The following SREK1IP1 variants were observed in gnomAD, a reference collection of about 807,000 sequenced individuals.
SREK1IP1 encodes SREK1 interacting protein 1, also known as protein SREK1IP1.
A neutral mutation model predicts 22.8 loss-of-function variants in SREK1IP1; 12 were observed. The ratio of observed to expected loss-of-function variants is 0.53; its 90% CI spans 0.34 to 0.85. SREK1IP1 has a LOEUF of 0.85. SREK1IP1 is among the 40% of genes least tolerant of loss of function. The pLI is 0.02. For missense variants in SREK1IP1, 147 were observed against 171.8 expected (o/e 0.86, Z 0.81); for synonymous variants, 53 against 52.7 (o/e 1.01, Z -0.02).
Position 64,768,512 on chromosome 5 carries a change from T to C in SREK1IP1, c.6A>G (p.Ala2=). ...CCTGTAATTGCTCCTTACCTGGGAC[T>C]GCCATGACGGTGGTAAGAGGGGTAA... The part of the protein sequence containing the change: M[A]VPGCNKDSVR... The change falls in exon 1 of 5, where the codon GCA becomes GCG. Residue 2 remains alanine, a synonymous_variant. Coordinates refer to ENST00000513458, the MANE Select transcript of SREK1IP1 (RefSeq NM_173829.4). 6.2e-7 allele frequency: 1 copy of C among 1,614,192 alleles called. No homozygotes were observed. Among genetic ancestry groups the C allele is most frequent in the Non-Finnish European group, 8.5e-7 (1 of 1,180,034 alleles).
chr5:64,755,567 G>A (rs547269471), intron 1 of SREK1IP1, among the ~76,000 whole-genome samples: 30 of 152,152 alleles, frequency 2.0e-4, no homozygotes, highest in African/African-American at 6.3e-4. Context: ...GGGAGAGGAG[G>A]GAGGACAAGG....
In SREK1IP1 at chr5:64,748,922, A is replaced by G. The variant is rs115559984; in HGVS notation, c.61+5393T>C. On this transcript the variant is annotated intron_variant, in intron 2 of 4. Transcript: ENST00000513458. ...TCAGAGTTATTTTAAGAATAAAATAATATCTTTCATGCAGTTAGTACAGAG... is the reference window on the plus strand; with the variant it reads ...TCAGAGTTATTTTAAGAATAAAATAGTATCTTTCATGCAGTTAGTACAGAG... 6.4e-3 allele frequency among the ~76,000 whole-genome samples: 976 copies of G among 152,180 alleles called. 10 individuals are homozygous for G. The highest frequency in any genetic ancestry group is 0.023 in the African/African-American group (950 of 41,510).
rs745825034 is a variant in SREK1IP1 at position 64,721,011 on chromosome 5, C to T, written c.*3373G>A. On this transcript the variant is annotated 3_prime_UTR_variant, in exon 5 of 5. Coordinates refer to ENST00000513458, the MANE Select transcript of SREK1IP1 (RefSeq NM_173829.4). ...CAAACACATAACACAGCTTGTTCTA[C>T]CTCTGGTGTTTGTTCACAGTACCCA... The T allele has an allele frequency of 6.6e-6, 1 of 152,196 alleles. No individual in the cohort carries two copies. The highest frequency in any genetic ancestry group is 6.5e-5 in the Admixed American group (1 of 15,280). 9.4% of individuals were successfully genotyped at this position (152,196 alleles called of 1,614,324 possible).
rs1246707327 is a variant in SREK1IP1, at chr5:64,720,277, A to G, written c.*4107T>C. ...ATAACTCTGGGGATGGATCTAATAAAGAATACAGTAGCTTTATGTGTTTTT... is the reference window on the plus strand; with the variant it reads ...ATAACTCTGGGGATGGATCTAATAAGGAATACAGTAGCTTTATGTGTTTTT... On this transcript the variant is annotated 3_prime_UTR_variant, in exon 5 of 5. Coordinates refer to ENST00000513458, the MANE Select transcript of SREK1IP1 (RefSeq NM_173829.4). 1 of 152,204 alleles carries G rather than the reference A, an allele frequency of 6.6e-6. No homozygotes were observed. 9.4% of individuals were successfully genotyped at this position (152,204 alleles called of 1,614,324 possible).
chr5:64,720,778 G>C lies in SREK1IP1; in HGVS notation c.*3606C>G, dbSNP rs549120655. 1 of 152,356 alleles carries C rather than the reference G, an allele frequency of 6.6e-6. No homozygotes were observed. The highest frequency in any genetic ancestry group is 2.4e-5 in the African/African-American group (1 of 41,450). The allele number at this position is 152,356 out of a possible 1,614,324, so 9.4% of individuals were successfully genotyped here. On this transcript the variant is annotated 3_prime_UTR_variant, in exon 5 of 5. Transcript: ENST00000513458. ...CCGCCTCAGCCTCCCAAAGTGCTGGGATTACAGGCGTGAGCCACTGTGCCC... is the reference window on the plus strand; with the variant it reads ...CCGCCTCAGCCTCCCAAAGTGCTGGCATTACAGGCGTGAGCCACTGTGCCC...
chr5:64,749,167 C>A (rs1455350546), intron 2 of SREK1IP1, among the ~76,000 whole-genome samples: 1 of 150,844 alleles, frequency 6.6e-6, no homozygotes, highest in African/African-American at 2.4e-5. Flanking sequence ...TCAATCTATA[C>A]ACACACACAA....
At chr5:64,759,980 G>T (rs1742917892) in intron 1 of SREK1IP1, among the ~76,000 whole-genome samples, 1 of 152,134 alleles carries the variant, frequency 6.6e-6, no homozygotes, top group African/African-American at 2.4e-5. Flanking sequence ...TCTCACATTT[G>T]GGAATTAGTT....
Position 64,722,711 on chromosome 5 carries a change from T to A in SREK1IP1, c.*1673A>T, listed in dbSNP as rs1253784592. 1 of 152,212 alleles carries A rather than the reference T, an allele frequency of 6.6e-6. No individual in the cohort carries two copies. Among genetic ancestry groups the A allele is most frequent in the Non-Finnish European group, 1.5e-5 (1 of 68,038 alleles). The allele number at this position is 152,212 out of a possible 1,614,324, so 9.4% of individuals were successfully genotyped here. On this transcript the variant is annotated 3_prime_UTR_variant, in exon 5 of 5. Transcript: ENST00000513458. The stretch of plus-strand genomic sequence containing the variant: ...GACCTATTTAAACAAAAGCATTTCC[T>A]TTTGAGAGGCCCAAATGACTAAATT...
At chr5:64,761,089 T>C (rs897202462) in intron 1 of SREK1IP1, among the ~76,000 whole-genome samples, 4 of 152,216 alleles carry the variant, frequency 2.6e-5, no homozygotes, top group Non-Finnish European at 4.4e-5. Flanking sequence ...TTGCAGACTT[T>C]CAATAAAATT....
At chr5:64,730,906 G>A (rs1015554757) in intron 3 of SREK1IP1, among the ~76,000 whole-genome samples, 5 of 152,052 alleles carry the variant, frequency 3.3e-5, no homozygotes, top group African/African-American at 9.7e-5. Flanking sequence ...AAAGAAAGGA[G>A]TAAGGCAGTT....
At chr5:64,754,597 G>A (rs966391973) in intron 1 of SREK1IP1, 1 of 427,980 alleles carries the variant, frequency 2.3e-6, no homozygotes. Flanking sequence ...CCAAGCAGCT[G>A]AGACTACAGG....
chr5:64,724,329 CAAACACGTTTTAA>C lies in SREK1IP1; in HGVS notation c.*42_*54del. On this transcript the variant is annotated 3_prime_UTR_variant, in exon 5 of 5. Coordinates refer to ENST00000513458, the MANE Select transcript of SREK1IP1 (RefSeq NM_173829.4). ...ATATATAGCAAATTCCAAGGAAGGG[CAAACACGTTTTAA>C]AAACAAATTTTTAAATTTAACGGCT... 1 of 1,437,256 alleles carries C rather than the reference CAAACACGTTTTAA, an allele frequency of 7.0e-7. No homozygotes were observed. Among genetic ancestry groups the C allele is most frequent in the Non-Finnish European group, 9.3e-7 (1 of 1,073,766 alleles). 89.0% of individuals were successfully genotyped at this position (1,437,256 alleles called of 1,614,324 possible).
intron 3 of SREK1IP1, among the ~76,000 whole-genome samples, chr5:64,733,547 C>T (rs7713930): frequency 0.067 from 10,142 of 152,120 alleles, 1,105 homozygotes; most frequent in African/African-American, 0.23. Context: ...TAGTCACTCA[C>T]ACGCTTCTCG....
intron 2 of SREK1IP1, among the ~76,000 whole-genome samples, chr5:64,744,501 C>T (rs946758302): frequency 1.3e-5 from 2 of 152,092 alleles, no homozygotes; most frequent in Non-Finnish European, 2.9e-5. Flanking sequence ...ACGGATTCGC[C>T]ACCGGTAACT....
chr5:64,768,432 G>T lies in SREK1IP1; in HGVS notation c.13+73C>A. Reference sequence around the variant, plus strand: ...TCCCCATGGGCGCTGCTCCGTACACGCCGCACCCTACCCTACCCTCCCTTG... The same window carrying T: ...TCCCCATGGGCGCTGCTCCGTACACTCCGCACCCTACCCTACCCTCCCTTG... On this transcript the variant is annotated intron_variant, in intron 1 of 4. Coordinates refer to ENST00000513458, the MANE Select transcript of SREK1IP1 (RefSeq NM_173829.4). The T allele has an allele frequency of 3.1e-6, 5 of 1,603,790 alleles. No homozygotes were observed. In the South Asian group the frequency reaches 4.4e-5, roughly 14 times the overall value.
chr5:64,750,421 T>C (rs1042710361), intron 2 of SREK1IP1, among the ~76,000 whole-genome samples: 3 of 152,208 alleles, frequency 2.0e-5, no homozygotes, highest in Non-Finnish European at 2.9e-5. Context: ...TTCATCCTCA[T>C]TGCAGACAAA....
intron 1 of SREK1IP1, among the ~76,000 whole-genome samples, chr5:64,764,099 A>G (rs1742995933): frequency 7.4e-6 from 1 of 135,526 alleles, no homozygotes; most frequent in Non-Finnish European, 1.5e-5. Flanking sequence ...TATAGAATAC[A>G]CTGAAATACA....
intron 2 of SREK1IP1, among the ~76,000 whole-genome samples, chr5:64,742,952 T>G (rs947802638): frequency 6.6e-6 from 1 of 152,214 alleles, no homozygotes; most frequent in African/African-American, 2.4e-5. Context: ...AGAAGCACTC[T>G]TTTTAGCTTC....
intron 1 of SREK1IP1, among the ~76,000 whole-genome samples, chr5:64,767,017 T>C (rs995496238): frequency 2.0e-5 from 3 of 152,250 alleles, no homozygotes; most frequent in African/African-American, 4.8e-5. Flanking sequence ...ATTTGACACA[T>C]AAATATTAGT....
Sources: gnomAD v4.1 joint callset for allele counts (sites outside exome capture counted in the v4.1 genomes callset) on GRCh38, gnomAD v4.1.1 for gene constraint, MANE v1.5 for transcripts, NCBI Gene and HGNC (gene_info 2026-07-23, HGNC 2026-07-21) for gene names.